LRRN1: variants seen among roughly 807,000 people sequenced by gnomAD.
The protein encoded by LRRN1 is leucine-rich repeat neuronal protein 1.
In LRRN1, 14 loss-of-function variants were observed where a neutral mutation model predicts 45.8. That is an observed-to-expected ratio of 0.31 (90% CI 0.20 to 0.48). The LOEUF is 0.48. Among genes scored for constraint, LRRN1 ranks in the 20% least tolerant of loss-of-function variants. The pLI, the probability that LRRN1 is intolerant of heterozygous loss-of-function variation, is 0.99. For missense variants in LRRN1, 789 were observed against 874.2 expected (o/e 0.90, Z 1.23); for synonymous variants, 359 against 330.1 (o/e 1.09, Z -0.95).
chr3:3,812,845 A>G (rs1451474487), intron 1 of LRRN1, among the ~76,000 whole-genome samples: 3 of 146,760 alleles, frequency 2.0e-5, no homozygotes, highest in Non-Finnish European at 4.5e-5. Context: ...ATGTAGCACC[A>G]CAAGTTTGTG....
intron 1 of LRRN1, among the ~76,000 whole-genome samples, chr3:3,837,362 G>A (rs142223763): frequency 1.3e-5 from 2 of 151,800 alleles, no homozygotes; most frequent in South Asian, 2.1e-4. Context: ...CCCACACCAA[G>A]TGTCAAGAGC....
At chr3:3,839,872 G>T (rs1693609215) in intron 1 of LRRN1, among the ~76,000 whole-genome samples, 1 of 151,992 alleles carries the variant, frequency 6.6e-6, no homozygotes, top group South Asian at 2.1e-4. Flanking sequence ...GTTTTAGTGG[G>T]TTTTTTGTGG....
At chr3:3,813,039 T>G (rs1209222743) in intron 1 of LRRN1, among the ~76,000 whole-genome samples, 1 of 152,212 alleles carries the variant, frequency 6.6e-6, no homozygotes, top group Admixed American at 6.5e-5. Context: ...CCTGTGTTGC[T>G]CACAGATACA....
rs758550252 is a variant in LRRN1 at position 3,845,275 on chromosome 3, A to T, written c.634A>T (p.Lys212Ter). 1 of 1,614,176 alleles carries T rather than the reference A, an allele frequency of 6.2e-7. No homozygotes were observed. The highest frequency in any genetic ancestry group is 8.5e-7 in the Non-Finnish European group (1 of 1,180,034). The change falls in exon 2 of 2, where the codon AAA (lysine) becomes TAA (stop). Residue 212 changes from lysine to a stop codon, truncating the protein, a stop_gained. Transcript: ENST00000319331. LOFTEE classifies it high-confidence loss of function. The surrounding 1 kb of genome is among the most constrained non-coding windows in gnomAD (Gnocchi z 6.5). ...GATTGGAATTCTGGATATGAACTTC[A>T]AACCCCTCGCAAATTTGAGAAGCTT... The part of the protein sequence containing the change: ...PVIGILDMNF[K>*]PLANLRSLVL...
chr3:3,833,409 G>C (rs536703262), intron 1 of LRRN1, among the ~76,000 whole-genome samples: 119 of 152,268 alleles, frequency 7.8e-4, no homozygotes, highest in African/African-American at 2.4e-3. Context: ...TTCCTACTTA[G>C]TCGGCCCAAA....
intron 1 of LRRN1, among the ~76,000 whole-genome samples, chr3:3,824,536 A>C (rs370972089): frequency 2.2e-5 from 1 of 45,106 alleles, no homozygotes; most frequent in Non-Finnish European, 1.4e-4. Context: ...GGCTGACCTG[A>C]CTAATTTTTT....
chr3:3,813,977 C>T (rs1692935239), intron 1 of LRRN1, among the ~76,000 whole-genome samples: 1 of 152,034 alleles, frequency 6.6e-6, no homozygotes, highest in African/African-American at 2.4e-5. Context: ...ATCACTCAGG[C>T]TCAACCTTGA....
intron 1 of LRRN1, among the ~76,000 whole-genome samples, chr3:3,820,790 G>T (rs1224989963): frequency 1.3e-5 from 2 of 152,206 alleles, no homozygotes. Context: ...TGTGTTAAGT[G>T]CAGTACCTAC....
At chr3:3,836,728 C>T (rs1423673803) in intron 1 of LRRN1, among the ~76,000 whole-genome samples, 1 of 152,012 alleles carries the variant, frequency 6.6e-6, no homozygotes, top group Non-Finnish European at 1.5e-5. Flanking sequence ...TTCGTTTTTA[C>T]AAAAAGGAGT....
chr3:3,800,077 G>A (rs1237767838), intron 1 of LRRN1, among the ~76,000 whole-genome samples, 158 bp downstream of exon 1: 2 of 151,424 alleles, frequency 1.3e-5, no homozygotes, highest in Non-Finnish European at 2.9e-5. Flanking sequence ...TCACGGAGCT[G>A]GGGAAAATGA....
In LRRN1 at chr3:3,846,060, A is replaced by G. The variant is rs150270030; in HGVS notation, c.1419A>G (p.Ser473=). 1.9e-5 allele frequency: 30 copies of G among 1,614,068 alleles called. No homozygotes were observed. The African/African-American group carries it at 3.7e-4, about 20-fold the overall frequency. The change falls in exon 2 of 2, where the codon TCA becomes TCG. Residue 473 remains serine, a synonymous_variant. Coordinates refer to ENST00000319331, the MANE Select transcript of LRRN1 (RefSeq NM_020873.7). The surrounding 1 kb of genome is among the most constrained non-coding windows in gnomAD (Gnocchi z 5.7). ...IGNKITVETL[S]DKYKLSSEGT... is the part of the protein sequence containing the mutation. ...ATAAGATAACTGTGGAAACCCTTTC[A>G]GATAAATACAAGCTAAGTAGCGAAG...
chr3:3,800,985 T>A (rs1692639377), intron 1 of LRRN1: 1 of 152,356 alleles, frequency 6.6e-6, no homozygotes. Context: ...CCTGGCAAGC[T>A]GGGGCTCGGG....
Position 3,845,250 on chromosome 3 carries a change from G to C in LRRN1, c.609G>C (p.Val203=), listed in dbSNP as rs760652867. ...TTCTCATGATCGGAGAAAACCCTGTGATTGGAATTCTGGATATGAACTTCA... is the reference window on the plus strand; with the variant it reads ...TTCTCATGATCGGAGAAAACCCTGTCATTGGAATTCTGGATATGAACTTCA... The part of the protein sequence containing the change: ...LEILMIGENP[V]IGILDMNFKP... Residue 203 remains valine (V), a synonymous_variant, in exon 2 of 2, where the codon GTG becomes GTC. Coordinates refer to ENST00000319331, the MANE Select transcript of LRRN1 (RefSeq NM_020873.7). The surrounding 1 kb of genome is among the most constrained non-coding windows in gnomAD (Gnocchi z 6.5). 11 of 1,614,038 alleles carry C rather than the reference G, an allele frequency of 6.8e-6. No homozygotes were observed. The highest frequency in any genetic ancestry group is 1.6e-4 in the Middle Eastern group (1 of 6,082).
Position 3,846,925 on chromosome 3 carries a change from A to T in LRRN1, c.*133A>T. The stretch of plus-strand genomic sequence containing the variant: ...GTGGCAGAGTGGAGAGGACGGGTGG[A>T]TATTTCAAATTTTTTTAGTATAGCG... On this transcript the variant is annotated 3_prime_UTR_variant, in exon 2 of 2. Coordinates refer to ENST00000319331, the MANE Select transcript of LRRN1 (RefSeq NM_020873.7). The surrounding 1 kb of genome is among the most constrained non-coding windows in gnomAD (Gnocchi z 5.7). 1 of 726,382 alleles carries T rather than the reference A, an allele frequency of 1.4e-6. No individual in the cohort carries two copies. 45.0% of individuals were successfully genotyped at this position (726,382 alleles called of 1,614,324 possible).
rs546952316 is a variant in LRRN1, at chr3:3,816,738, G to T, written c.-279+16819G>T. Among the ~76,000 whole-genome samples, 4 of 152,236 alleles carry T rather than the reference G, an allele frequency of 2.6e-5. No individual in the cohort carries two copies. The South Asian group carries it at 8.3e-4, about 32-fold the overall frequency. On this transcript the variant is annotated intron_variant, in intron 1 of 1. Transcript: ENST00000319331. This position sits in a 1 kb window ranked among gnomAD's most constrained non-coding sequence, Gnocchi z 4.0. ...GAGCCTAATGCTCTAGTTAACCAAGGTTTCGCTCTACAAGTTAGCTTTCTT... is the reference window on the plus strand; with the variant it reads ...GAGCCTAATGCTCTAGTTAACCAAGTTTTCGCTCTACAAGTTAGCTTTCTT...
At chr3:3,831,180 A>G (rs1693365166) in intron 1 of LRRN1, among the ~76,000 whole-genome samples, 1 of 152,110 alleles carries the variant, frequency 6.6e-6, no homozygotes. Context: ...GGAGTAACAC[A>G]CCCCAACGAG....
chr3:3,817,079 G>A (rs1379532062), intron 1 of LRRN1, among the ~76,000 whole-genome samples: 2 of 152,100 alleles, frequency 1.3e-5, no homozygotes, highest in Non-Finnish European at 2.9e-5. Flanking sequence ...GAAAACTGAT[G>A]TTCTGTCCCA....
intron 1 of LRRN1, among the ~76,000 whole-genome samples, chr3:3,801,894 C>A (rs17037089): frequency 6.6e-6 from 1 of 152,188 alleles, no homozygotes; most frequent in African/African-American, 2.4e-5. Context: ...TCTGAATTGA[C>A]CCCTCAACTT....
intron 1 of LRRN1, among the ~76,000 whole-genome samples, chr3:3,826,694 G>C (rs1693223380): frequency 6.6e-6 from 1 of 152,096 alleles, no homozygotes; most frequent in Admixed American, 6.5e-5. Flanking sequence ...GTTGGCTTTG[G>C]ATAATGTGTG....
Sources: allele counts gnomAD v4.1 joint callset (sites outside exome capture counted in the v4.1 genomes callset), GRCh38; gene constraint gnomAD v4.1.1; non-coding constraint Gnocchi (gnomAD v3.1); transcripts MANE v1.5; gene names NCBI Gene and HGNC (gene_info 2026-07-23, HGNC 2026-07-21).